Variants in ATP2C2 observed in about 807,000 individuals in gnomAD.
ATP2C2 encodes the protein calcium-transporting ATPase type 2C member 2.
In ATP2C2, 171 loss-of-function variants were observed where a neutral mutation model predicts 110.8. The observed-to-expected ratio is 1.54, with a 90% CI of 1.36 to 1.75. ATP2C2 has a LOEUF of 1.75. ATP2C2 is among the 40% of genes most tolerant of loss of function. The pLI, the probability that ATP2C2 is intolerant of heterozygous loss-of-function variation, is 0.00. For missense variants in ATP2C2, 1,963 were observed against 1,235.0 expected (o/e 1.59, Z -8.84); for synonymous variants, 804 against 508.4 (o/e 1.58, Z -7.82).
chr16:84,405,323 T>A (rs1163115060), intron 3 of ATP2C2, 79 bp downstream of exon 3: 2 of 1,226,176 alleles, frequency 1.6e-6, no homozygotes, highest in Non-Finnish European at 1.2e-6. Context: ...CTTTCAATGT[T>A]GATGGAAGGC....
intron 6 of ATP2C2, among the ~76,000 whole-genome samples, chr16:84,411,941 T>G (rs1333363732): frequency 1.3e-5 from 2 of 151,194 alleles, no homozygotes; most frequent in Non-Finnish European, 3.0e-5. Flanking sequence ...TTCCTTTCTT[T>G]TCTTTTCTTT....
intron 2 of ATP2C2, among the ~76,000 whole-genome samples, chr16:84,402,675 G>C (rs1429984729): frequency 2.0e-5 from 3 of 152,132 alleles, no homozygotes; most frequent in South Asian, 2.1e-4. Context: ...ATTTTAATGT[G>C]TTATTGCATT....
chr16:84,445,919 G>A (rs1909705723), intron 15 of ATP2C2, among the ~76,000 whole-genome samples: 1 of 152,212 alleles, frequency 6.6e-6, no homozygotes, highest in South Asian at 2.1e-4. Context: ...GAGCAACAAA[G>A]GGCCAGGCTG....
chr16:84,455,157 C>A (rs1028052002), intron 21 of ATP2C2, among the ~76,000 whole-genome samples, 173 bp downstream of exon 21: 48 of 151,988 alleles, frequency 3.2e-4, no homozygotes, highest in Non-Finnish European at 6.6e-4. Context: ...GTACCAACAG[C>A]CTCTCATAGC....
chr16:84,439,457 C>T lies in ATP2C2; in HGVS notation c.1142C>T (p.Thr381Met), dbSNP rs780950794. 5.3e-5 allele frequency: 85 copies of T among 1,613,998 alleles called. No individual in the cohort carries two copies. Among genetic ancestry groups the T allele is most frequent in the African/African-American group, 6.7e-5 (5 of 74,900 alleles). Residue 381 changes from threonine to methionine, a missense_variant, in exon 13 of 27, where the codon ACG becomes ATG. Transcript: ENST00000262429. ...TGCAGCGTTCTCTGTTCTGACAAGA[C>T]GGGGACTCTGACTGCCAATGAAATG... ...GCCSVLCSDK[T>M]GTLTANEMTV...
intron 1 of ATP2C2, among the ~76,000 whole-genome samples, chr16:84,373,636 G>A (rs780013711): frequency 5.9e-5 from 9 of 152,168 alleles, no homozygotes; most frequent in Non-Finnish European, 8.8e-5. Flanking sequence ...AAAGGGAAGG[G>A]GTTACACAGG....
intron 21 of ATP2C2, among the ~76,000 whole-genome samples, chr16:84,458,319 G>A (rs1347318618): frequency 1.1e-4 from 4 of 35,990 alleles, no homozygotes; most frequent in Admixed American, 9.5e-4. Context: ...ACAGGAAGGG[G>A]AATATCACAC....
At chr16:84,450,664 G>C (rs1910174205) in intron 17 of ATP2C2, among the ~76,000 whole-genome samples, 1 of 152,058 alleles carries the variant, frequency 6.6e-6, no homozygotes, top group Non-Finnish European at 1.5e-5. Context: ...CCCATCTTTG[G>C]TGTCAGTGAG....
At chr16:84,451,282 C>T (rs548052649) in intron 17 of ATP2C2, among the ~76,000 whole-genome samples, 1 of 152,134 alleles carries the variant, frequency 6.6e-6, no homozygotes, top group Non-Finnish European at 1.5e-5. Context: ...CAATTATCTC[C>T]CACTGGGTCC....
intron 3 of ATP2C2, among the ~76,000 whole-genome samples, chr16:84,407,001 TCTTA>T (rs1301446261): frequency 1.3e-5 from 2 of 152,180 alleles, no homozygotes; most frequent in Non-Finnish European, 2.9e-5. Flanking sequence ...TGCTCATTCA[TCTTA>T]TAGCTTGTCG....
chr16:84,433,233 A>G (rs1461653217), intron 11 of ATP2C2, among the ~76,000 whole-genome samples: 2 of 152,040 alleles, frequency 1.3e-5, no homozygotes, highest in East Asian at 3.9e-4. Flanking sequence ...ATGTTTTGTT[A>G]TTAGCCAGGT....
At chr16:84,455,370 G>T (rs1910700431) in intron 21 of ATP2C2, among the ~76,000 whole-genome samples, 1 of 152,140 alleles carries the variant, frequency 6.6e-6, no homozygotes, top group South Asian at 2.1e-4. Context: ...CTTGAGTGTG[G>T]GGTGAGAAAG....
In ATP2C2 at chr16:84,410,891, G is replaced by C. The variant is rs1441183657; in HGVS notation, c.515+126G>C. 1.4e-5 allele frequency: 13 copies of C among 927,676 alleles called. No homozygotes were observed. In the East Asian group the frequency reaches 3.4e-4, roughly 24 times the overall value. 57.5% of individuals were successfully genotyped at this position (927,676 alleles called of 1,614,324 possible). The stretch of plus-strand genomic sequence containing the variant: ...GGACAAGAGAACCACATCTCACTGG[G>C]AGTTCTAAGGCCTGGTCTCCGCCTG... On this transcript the variant is annotated intron_variant, in intron 6 of 26. Coordinates refer to ENST00000262429, the MANE Select transcript of ATP2C2 (RefSeq NM_014861.4).
intron 23 of ATP2C2, chr16:84,459,616 C>A: frequency 6.6e-7 from 1 of 1,526,492 alleles, no homozygotes; most frequent in Non-Finnish European, 8.8e-7. Context: ...TTTCTGCTCC[C>A]TCTGCCTGGA....
At chr16:84,411,672 C>T (rs889889488) in intron 6 of ATP2C2, among the ~76,000 whole-genome samples, 12 of 152,202 alleles carry the variant, frequency 7.9e-5, no homozygotes, top group Non-Finnish European at 1.2e-4. Flanking sequence ...GACCTCCTGA[C>T]CTCAGATGAT....
At chr16:84,455,611 G>C (rs542748622) in intron 21 of ATP2C2, among the ~76,000 whole-genome samples, 8 of 152,030 alleles carry the variant, frequency 5.3e-5, no homozygotes, top group Non-Finnish European at 8.8e-5. Context: ...GCTAATCGCA[G>C]TGGTTAGTTG....
At chr16:84,461,151 T>C (rs143817990) in intron 24 of ATP2C2, 15 of 294,676 alleles carry the variant, frequency 5.1e-5, no homozygotes, top group African/African-American at 3.0e-4. Flanking sequence ...TGTTACACTC[T>C]AGAGGTGATT....
chr16:84,417,876 A>G (rs1444429011), intron 7 of ATP2C2, among the ~76,000 whole-genome samples: 2 of 152,252 alleles, frequency 1.3e-5, no homozygotes, highest in East Asian at 3.8e-4. Flanking sequence ...CTTATCAGCT[A>G]TTAAGCTCTG....
intron 2 of ATP2C2, among the ~76,000 whole-genome samples, chr16:84,401,921 A>T (rs528108082): frequency 6.6e-6 from 1 of 151,950 alleles, no homozygotes. Flanking sequence ...TGCTTTGGGT[A>T]GTATGGACAT....
Sources: gnomAD v4.1 joint callset for allele counts (sites outside exome capture counted in the v4.1 genomes callset) on GRCh38, gnomAD v4.1.1 for gene constraint, MANE v1.5 for transcripts, NCBI Gene and HGNC (gene_info 2026-07-23, HGNC 2026-07-21) for gene names.